The following NBAS variants were observed in gnomAD, a reference collection of about 807,000 sequenced individuals.
NBAS encodes NAG/BC035112 fusion.
In NBAS, 219 loss-of-function variants were observed where a neutral mutation model predicts 302.5. That is an observed-to-expected ratio of 0.72 (90% CI 0.65 to 0.81). The LOEUF is 0.81. Among genes scored for constraint, NBAS ranks in the 30% least tolerant of loss-of-function variants. The pLI is 0.00. For synonymous variants in NBAS, 1,118 were observed against 1,021.6 expected (o/e 1.09, Z -1.80); for missense variants, 2,932 against 2,841.6 (o/e 1.03, Z -0.72).
At chr2:15,510,270 T>C (rs541051585) in intron 10 of NBAS, among the ~76,000 whole-genome samples, 5 of 152,228 alleles carry the variant, frequency 3.3e-5, no homozygotes, top group African/African-American at 7.2e-5. Context: ...TCTGGACACA[T>C]AGAAAACTAT....
At chr2:15,189,234 T>C (rs1665228537) in intron 49 of NBAS, among the ~76,000 whole-genome samples, 1 of 152,136 alleles carries the variant, frequency 6.6e-6, no homozygotes. Flanking sequence ...CTAAGAAACA[T>C]TTCTTTTCTT....
the NBAS span, among the ~76,000 whole-genome samples, chr2:14,879,682 G>A: frequency 6.6e-6 from 1 of 152,070 alleles, no homozygotes; most frequent in African/African-American, 2.4e-5. Context: ...AAACAACACA[G>A]CTTATAGCAT....
chr2:15,064,607 C>A, the NBAS span, among the ~76,000 whole-genome samples: 3 of 152,026 alleles, frequency 2.0e-5, no homozygotes, highest in African/African-American at 7.2e-5. Context: ...AGTCCAAGAC[C>A]GTATGGTTTC....
At chr2:15,522,352 T>A (rs1015730103) in intron 9 of NBAS, among the ~76,000 whole-genome samples, 3 of 152,100 alleles carry the variant, frequency 2.0e-5, no homozygotes, top group Admixed American at 6.6e-5. Context: ...CTAACATAAA[T>A]CTCAAGTTTT....
intron 7 of NBAS, chr2:15,538,416 T>C: frequency 2.6e-6 from 1 of 390,092 alleles, no homozygotes; most frequent in Non-Finnish European, 5.2e-6. Context: ...TTTTCAACCC[T>C]AGCTTCTCAC....
At chr2:15,429,675 A>C (rs1355671087) in intron 21 of NBAS, among the ~76,000 whole-genome samples, 1 of 152,184 alleles carries the variant, frequency 6.6e-6, no homozygotes, top group Non-Finnish European at 1.5e-5. Context: ...TTACAAAATA[A>C]GAAGTTTATT....
In NBAS at chr2:15,253,272, A is replaced by G. The variant is rs574758384; in HGVS notation, c.5725-14586T>C. Among the ~76,000 whole-genome samples the G allele has an allele frequency of 9.2e-5, 14 of 152,258 alleles. No homozygotes were observed. The South Asian group carries it at 1.5e-3, about 16-fold the overall frequency. On this transcript the variant is annotated intron_variant, in intron 44 of 51. Transcript: ENST00000281513. The stretch of plus-strand genomic sequence containing the variant: ...ATATTTGGGAAAGGAGGGGGAATCA[A>G]TTCTGAAAAAGATTAAACCATCCCA...
chr2:15,163,533 G>A (rs2125090221), downstream of NBAS, among the ~76,000 whole-genome samples: 1 of 152,230 alleles, frequency 6.6e-6, no homozygotes, highest in East Asian at 1.9e-4. Context: ...ATTTTCCTTG[G>A]GTGATTCTGA....
chr2:14,854,731 G>A, the NBAS span, among the ~76,000 whole-genome samples: 1 of 152,046 alleles, frequency 6.6e-6, no homozygotes, highest in Admixed American at 6.5e-5. Context: ...ACCCATGGAG[G>A]GAGCATTTAA....
intron 48 of NBAS, among the ~76,000 whole-genome samples, chr2:15,207,119 G>A (rs541651208): frequency 3.6e-4 from 55 of 152,326 alleles, no homozygotes; most frequent in African/African-American, 1.3e-3. Flanking sequence ...ACCCTGCAGA[G>A]CCACAGAAGC....
At chr2:15,109,420 ACC>A in the NBAS span, among the ~76,000 whole-genome samples, 35 of 152,170 alleles carry the variant, frequency 2.3e-4, no homozygotes, top group African/African-American at 8.4e-4. Flanking sequence ...CCTGCTCCTT[ACC>A]CCATGGGACA....
intron 44 of NBAS, among the ~76,000 whole-genome samples, chr2:15,269,265 ATGG>A (rs1669210793): frequency 6.6e-6 from 1 of 152,222 alleles, no homozygotes; most frequent in African/African-American, 2.4e-5. Flanking sequence ...AGGAGGCAGT[ATGG>A]ATGGACGGAT....
rs561065450 is a variant in NBAS at position 15,458,193 on chromosome 2, T to C, written c.2339+3008A>G. 3.9e-5 allele frequency among the ~76,000 whole-genome samples: 6 copies of C among 152,292 alleles called. No individual in the cohort carries two copies. The East Asian group carries it at 9.6e-4, about 24-fold the overall frequency. On this transcript the variant is annotated intron_variant, in intron 21 of 51. Coordinates refer to ENST00000281513, the MANE Select transcript of NBAS (RefSeq NM_015909.4). ...AAATAAGTATGACTATAACACAGTG[T>C]AAAAAGTGTTACATTATGAAAATAA...
At chr2:15,167,371 C>A in intron 51 of NBAS, 48 bp from the exon 52 acceptor site, 2 of 1,606,078 alleles carry the variant, frequency 1.2e-6, no homozygotes, top group South Asian at 2.2e-5. Flanking sequence ...TTGCTTTGTT[C>A]GCCTCCCCCT....
intron 32 of NBAS, 59 bp from the exon 33 acceptor site, chr2:15,356,475 G>T: frequency 9.0e-7 from 1 of 1,112,006 alleles, no homozygotes; most frequent in Non-Finnish European, 1.4e-6. Context: ...TGATAGAAGA[G>T]CTTGTTAACA....
chr2:15,467,686 G>C lies in NBAS; in HGVS notation c.1996C>G (p.Leu666Val), dbSNP rs753283422. ...TACTTGGAAAAGTTCACTAATTTCA[G>C]TAGTTCTTGTCTCTTCTTGAGCTCC... ...EKELKKRQEL[L>V]KLVNFSKLTL... Residue 666 changes from leucine (L) to valine (V), a missense_variant, in exon 18 of 52, where the codon CTG becomes GTG. Coordinates refer to ENST00000281513, the MANE Select transcript of NBAS (RefSeq NM_015909.4). 1 of 1,612,534 alleles carries C rather than the reference G, an allele frequency of 6.2e-7. No homozygotes were observed. Among genetic ancestry groups the C allele is most frequent in the Admixed American group, 1.7e-5 (1 of 59,900 alleles).
chr2:15,530,669 GA>G (rs1370908993), intron 9 of NBAS, among the ~76,000 whole-genome samples: 1 of 151,330 alleles, frequency 6.6e-6, no homozygotes, highest in Admixed American at 6.6e-5. Context: ...AGGAGAGAGT[GA>G]AAAAAATTAC....
At chr2:15,112,784 G>C in the NBAS span, among the ~76,000 whole-genome samples, 358 of 12,780 alleles carry the variant, frequency 0.028, 3 homozygotes, top group African/African-American at 0.09. Flanking sequence ...ATAGACTGAA[G>C]ACAAACTTAC....
chr2:15,119,731 G>A, the NBAS span, among the ~76,000 whole-genome samples: 2 of 152,228 alleles, frequency 1.3e-5, no homozygotes, highest in Admixed American at 6.5e-5. Context: ...AGGAGAGCTC[G>A]GTCCCATGTA....
Sources: gnomAD v4.1 joint callset for allele counts (sites outside exome capture counted in the v4.1 genomes callset) on GRCh38, gnomAD v4.1.1 for gene constraint, MANE v1.5 for transcripts, NCBI Gene and HGNC (gene_info 2026-07-23, HGNC 2026-07-21) for gene names.